Variants in TFEC observed in about 807,000 individuals in gnomAD.
The protein encoded by TFEC is class E basic helix-loop-helix protein 34.
TFEC carries 31 observed loss-of-function variants against 41.6 expected under a neutral mutation model. That is an observed-to-expected ratio of 0.74 (90% CI 0.56 to 1.01). The LOEUF (loss-of-function observed/expected upper bound fraction) is 1.01. TFEC is among the 50% of genes least tolerant of loss of function. The pLI is 0.00. For synonymous variants in TFEC, 143 were observed against 140.6 expected, an observed-to-expected ratio of 1.02 and a Z score of -0.12; for missense variants, 402 against 404.1, an observed-to-expected ratio of 0.99 and a Z score of 0.04.
At chr7:116,039,972 C>A (rs1370682018) in intron 3 of TFEC, among the ~76,000 whole-genome samples, 1 of 152,020 alleles carries the variant, frequency 6.6e-6, no homozygotes, top group Admixed American at 6.6e-5. Context: ...TTCCCTTGTT[C>A]CTCAAGTAAG....
At chr7:116,104,016 T>C (rs1183118799) in intron 3 of TFEC, among the ~76,000 whole-genome samples, 1 of 152,172 alleles carries the variant, frequency 6.6e-6, no homozygotes, top group African/African-American at 2.4e-5. Context: ...CAATTTTCTA[T>C]GTTTCAAGAT....
chr7:116,141,403 G>A (rs1562984564), intron 1 of TFEC, among the ~76,000 whole-genome samples: 1 of 152,060 alleles, frequency 6.6e-6, no homozygotes, highest in Non-Finnish European at 1.5e-5. Context: ...TTACAATGTT[G>A]TCTTGCAACA....
intron 2 of TFEC, among the ~76,000 whole-genome samples, chr7:115,976,352 G>C (rs372663913): frequency 7.9e-5 from 12 of 152,098 alleles, no homozygotes; most frequent in South Asian, 2.1e-4. Flanking sequence ...GTGAACCCCG[G>C]AGGCAGAGTC....
intron 1 of TFEC, among the ~76,000 whole-genome samples, chr7:116,012,962 C>G (rs551217926): frequency 3.6e-4 from 54 of 151,756 alleles, no homozygotes; most frequent in African/African-American, 1.3e-3. Flanking sequence ...AATAAAATGT[C>G]ATGATTAGAA....
intron 1 of TFEC, among the ~76,000 whole-genome samples, chr7:116,015,540 G>T (rs999003300): frequency 2.6e-5 from 4 of 151,968 alleles, no homozygotes; most frequent in Non-Finnish European, 5.9e-5. Context: ...TGATCAATTA[G>T]CATTTCAGAA....
At chr7:115,969,423 C>A (rs1460938589) in intron 3 of TFEC, among the ~76,000 whole-genome samples, 1 of 151,834 alleles carries the variant, frequency 6.6e-6, no homozygotes, top group Non-Finnish European at 1.5e-5. Flanking sequence ...GCCCCTTTGA[C>A]AAGCTGACAT....
At chr7:116,086,507 C>A (rs781504442) in intron 3 of TFEC, among the ~76,000 whole-genome samples, 1 of 151,782 alleles carries the variant, frequency 6.6e-6, no homozygotes, top group Non-Finnish European at 1.5e-5. Flanking sequence ...GGTGTGACCA[C>A]GAGTGATGAG....
At chr7:116,067,495 T>A (rs961198680) in intron 3 of TFEC, among the ~76,000 whole-genome samples, 14 of 152,016 alleles carry the variant, frequency 9.2e-5, no homozygotes, top group Non-Finnish European at 1.8e-4. Context: ...ATTTTGGATA[T>A]CCATGACTAT....
chr7:116,059,476 C>A (rs1256907788), intron 3 of TFEC, among the ~76,000 whole-genome samples: 1 of 151,908 alleles, frequency 6.6e-6, no homozygotes, highest in Non-Finnish European at 1.5e-5. Flanking sequence ...GGAGCGTCTT[C>A]TTCCCCCACT....
intron 1 of TFEC, among the ~76,000 whole-genome samples, chr7:116,028,652 T>G (rs1795675405): frequency 6.6e-6 from 1 of 152,216 alleles, no homozygotes; most frequent in South Asian, 2.1e-4. Flanking sequence ...AATCCAGTAT[T>G]TTTTACTGTA....
chr7:116,001,360 C>T (rs1794586933), intron 1 of TFEC, among the ~76,000 whole-genome samples: 1 of 151,812 alleles, frequency 6.6e-6, no homozygotes, highest in African/African-American at 2.4e-5. Context: ...CGAGACGTGG[C>T]AGTGTGCGCC....
At chr7:116,098,564 T>C (rs1415047778) in intron 3 of TFEC, among the ~76,000 whole-genome samples, 2 of 151,386 alleles carry the variant, frequency 1.3e-5, no homozygotes, top group Non-Finnish European at 1.5e-5. Flanking sequence ...CATCAACATA[T>C]ATAGAAGGAA....
chr7:116,011,676 C>T (rs1018574399), intron 1 of TFEC, among the ~76,000 whole-genome samples: 10 of 152,212 alleles, frequency 6.6e-5, no homozygotes, highest in African/African-American at 2.4e-4. Context: ...ACATTTGCCT[C>T]CCAATCTCAT....
Position 116,143,860 on chromosome 7 carries a change from A to G in TFEC, c.-69+15930T>C, listed in dbSNP as rs1798588914. The stretch of plus-strand genomic sequence containing the variant: ...GAGACTAGAGATGAAGGGCTCCCAG[A>G]CATTCTTCATTTTCCTAGGTTTTTA... On this transcript the variant is annotated intron_variant, in intron 1 of 8. Coordinates refer to the TFEC transcript ENST00000484212. 3.3e-5 allele frequency among the ~76,000 whole-genome samples: 5 copies of G among 152,278 alleles called. No individual in the cohort carries two copies. In the South Asian group the frequency reaches 1.0e-3, roughly 32 times the overall value.
In TFEC at chr7:115,939,429, T is replaced by C. The variant is rs570104529; in HGVS notation, c.*1122A>G. The C allele has an allele frequency of 6.6e-6, 1 of 152,184 alleles. No individual in the cohort carries two copies. Among genetic ancestry groups the C allele is most frequent in the African/African-American group, 2.4e-5 (1 of 41,550 alleles). The allele number at this position is 152,184 out of a possible 1,614,324, so 9.4% of individuals were successfully genotyped here. A position where few individuals can be genotyped will look rare whatever the true frequency, so the allele number is the denominator to read the frequency against. On this transcript the variant is annotated 3_prime_UTR_variant, in exon 8 of 8. Transcript: ENST00000265440. ...TGCAACCAAAGATCATAGGACACTC[T>C]AAGTGTTTATAGAAATAGAACCTTA...
At chr7:116,155,095 TTCTC>T (rs113011578) in intron 1 of TFEC, among the ~76,000 whole-genome samples, 2,264 of 152,324 alleles carry the variant, frequency 0.015, 66 homozygotes, top group African/African-American at 0.051. Flanking sequence ...ATGTAACCAA[TTCTC>T]TCTATTAGAT....
rs976785622 is a variant in TFEC, at chr7:116,145,960, G to A, written c.-69+13830C>T. 3.3e-5 allele frequency among the ~76,000 whole-genome samples: 5 copies of A among 152,096 alleles called. No homozygotes were observed. The South Asian group carries it at 1.0e-3, about 31-fold the overall frequency. ...TTTGAACTCAAATTAAAACTGAGAT[G>A]ACAAATTCAAAGTAATAGATAAAGG... On this transcript the variant is annotated intron_variant, in intron 1 of 8. Transcript: ENST00000484212.
chr7:115,974,171 G>T lies in TFEC; in HGVS notation c.266C>A (p.Thr89Lys). The T allele has an allele frequency of 6.3e-7, 1 of 1,589,514 alleles. No individual in the cohort carries two copies. The highest frequency in any genetic ancestry group is 8.5e-7 in the Non-Finnish European group (1 of 1,170,022). ...GADSPLLMQR[T>K]LSGSILDVYS... ...CTTCTTGGGTCTGAAAGCACTTACT[G>T]TTCTTTGCATTAGCAGAGGAGAGTC... is the stretch of plus-strand genomic sequence containing the variant. Residue 89 changes from threonine to lysine, a missense_variant and splice_region_variant, in exon 3 of 8, where the codon ACA becomes AAA. By Grantham distance (78) the Thr-to-Lys change is moderately conservative. Coordinates refer to ENST00000265440, the MANE Select transcript of TFEC (RefSeq NM_012252.4).
chr7:115,948,688 G>T (rs1791752104), intron 6 of TFEC, among the ~76,000 whole-genome samples: 1 of 150,942 alleles, frequency 6.6e-6, no homozygotes, highest in African/African-American at 2.4e-5. Context: ...AGGTATTGAT[G>T]GGACGTATCT....
Sources: allele counts gnomAD v4.1 joint callset (sites outside exome capture counted in the v4.1 genomes callset), GRCh38; gene constraint gnomAD v4.1.1; transcripts MANE v1.5; gene names NCBI Gene and HGNC (gene_info 2026-07-23, HGNC 2026-07-21).